GALNT13: variants seen among roughly 807,000 people sequenced by gnomAD.
GALNT13 encodes polypeptide N-acetylgalactosaminyltransferase 13.
In GALNT13, 28 loss-of-function variants were observed where a neutral mutation model predicts 64.2. That is an observed-to-expected ratio of 0.44 (90% CI 0.32 to 0.60). The LOEUF is 0.60. GALNT13 is among the 20% of genes least tolerant of loss of function. GALNT13 has a pLI of 0.05. For synonymous variants in GALNT13, 214 were observed against 224.6 expected (o/e 0.95, Z 0.42); for missense variants, 577 against 669.8 (o/e 0.86, Z 1.53).
At chr2:154,433,922 T>TA (rs1326242460) in intron 11 of GALNT13, among the ~76,000 whole-genome samples, 1 of 152,192 alleles carries the variant, frequency 6.6e-6, no homozygotes, top group Admixed American at 6.5e-5. Flanking sequence ...TGTAACCATA[T>TA]TAGAGATGAG....
At chr2:153,399,638 A>C in the GALNT13 span, among the ~76,000 whole-genome samples, 5 of 151,760 alleles carry the variant, frequency 3.3e-5, no homozygotes, top group African/African-American at 1.2e-4. Flanking sequence ...GAGGTCCTTC[A>C]CATCCCTTGT....
the GALNT13 span, among the ~76,000 whole-genome samples, chr2:153,803,628 CT>C: frequency 6.9e-6 from 1 of 143,908 alleles, no homozygotes; most frequent in Admixed American, 7.3e-5. Flanking sequence ...GGAGGCGGAG[CT>C]TGCAGTGAGC....
chr2:154,239,460 G>A (rs1276056678), intron 4 of GALNT13, among the ~76,000 whole-genome samples: 1 of 152,002 alleles, frequency 6.6e-6, no homozygotes, highest in African/African-American at 2.4e-5. Context: ...GGCTTTGCAT[G>A]CTCAAAGTGA....
At chr2:153,355,102 C>T in the GALNT13 span, among the ~76,000 whole-genome samples, 1 of 152,152 alleles carries the variant, frequency 6.6e-6, no homozygotes, top group African/African-American at 2.4e-5. Context: ...AACAAAATAT[C>T]ACGTTATTCA....
chr2:154,394,429 G>C (rs1698963654), intron 9 of GALNT13, among the ~76,000 whole-genome samples: 1 of 152,070 alleles, frequency 6.6e-6, no homozygotes, highest in Non-Finnish European at 1.5e-5. Flanking sequence ...TGATGAAAAA[G>C]GGAGGATGTT....
intron 4 of GALNT13, among the ~76,000 whole-genome samples, chr2:154,226,820 T>G (rs755445676): frequency 6.6e-6 from 1 of 152,164 alleles, no homozygotes; most frequent in Non-Finnish European, 1.5e-5. Flanking sequence ...ATTTCTTTAG[T>G]GTCAGAAATT....
chr2:153,578,423 A>G, the GALNT13 span, among the ~76,000 whole-genome samples: 1 of 152,214 alleles, frequency 6.6e-6, no homozygotes, highest in East Asian at 1.9e-4. Context: ...GGAGAAATTA[A>G]TTTACCCAGA....
At chr2:153,468,347 T>A in the GALNT13 span, among the ~76,000 whole-genome samples, 1 of 152,106 alleles carries the variant, frequency 6.6e-6, no homozygotes, top group Non-Finnish European at 1.5e-5. Flanking sequence ...TTGTTTGCGT[T>A]GTAGAATGGA....
the GALNT13 span, among the ~76,000 whole-genome samples, chr2:153,753,724 T>C: frequency 6.6e-6 from 1 of 152,326 alleles, no homozygotes; most frequent in Non-Finnish European, 1.5e-5. Context: ...CTACTGCCTA[T>C]GTTCACTCAA....
At chr2:153,743,108 G>A in the GALNT13 span, among the ~76,000 whole-genome samples, 1 of 135,250 alleles carries the variant, frequency 7.4e-6, no homozygotes, top group Non-Finnish European at 1.6e-5. Flanking sequence ...GAGGGGGAGG[G>A]GTAGTGTGGT....
At chr2:154,260,004 T>C (rs960406779) in intron 8 of GALNT13, among the ~76,000 whole-genome samples, 1 of 152,034 alleles carries the variant, frequency 6.6e-6, no homozygotes, top group African/African-American at 2.4e-5. Context: ...CACCTCAGCC[T>C]CCCTTGTGGC....
the GALNT13 span, among the ~76,000 whole-genome samples, chr2:153,563,223 T>C: frequency 1.3e-5 from 2 of 152,246 alleles, no homozygotes; most frequent in Admixed American, 6.5e-5. Flanking sequence ...TTAAAAAAAT[T>C]CTGTCCTTAG....
At chr2:153,138,031 G>C in the GALNT13 span, among the ~76,000 whole-genome samples, 2 of 152,054 alleles carry the variant, frequency 1.3e-5, no homozygotes, top group Non-Finnish European at 2.9e-5. Context: ...GTATGTGCCA[G>C]ACTCTGTTTT....
chr2:154,133,218 A>G (rs569965799), intron 3 of GALNT13, among the ~76,000 whole-genome samples: 3 of 152,234 alleles, frequency 2.0e-5, no homozygotes, highest in Admixed American at 2.0e-4. Context: ...GTTTGTGTTG[A>G]GGTATTGTTG....
At chr2:153,445,098 A>C in the GALNT13 span, among the ~76,000 whole-genome samples, 1 of 152,210 alleles carries the variant, frequency 6.6e-6, no homozygotes, top group Non-Finnish European at 1.5e-5. Flanking sequence ...GTAACACATA[A>C]GTACTGATTT....
At chr2:154,216,792 TTC>T (rs1210625679) in intron 4 of GALNT13, among the ~76,000 whole-genome samples, 2 of 149,078 alleles carry the variant, frequency 1.3e-5, no homozygotes, top group African/African-American at 2.5e-5. Context: ...TTACTTTCAT[TTC>T]TCTCTCTCTT....
chr2:153,820,692 C>T, the GALNT13 span, among the ~76,000 whole-genome samples: 1 of 152,074 alleles, frequency 6.6e-6, no homozygotes, highest in Non-Finnish European at 1.5e-5. Context: ...ACTACACCAG[C>T]CTTACAAGAA....
At chr2:153,101,265 T>C in the GALNT13 span, among the ~76,000 whole-genome samples, 1 of 152,184 alleles carries the variant, frequency 6.6e-6, no homozygotes, top group African/African-American at 2.4e-5. Flanking sequence ...AATTTTGTGC[T>C]TAAAAATTCT....
At chr2:154,083,833 G>T (rs1404939507) in intron 3 of GALNT13, among the ~76,000 whole-genome samples, 2 of 151,866 alleles carry the variant, frequency 1.3e-5, no homozygotes, top group Non-Finnish European at 2.9e-5. Context: ...TTTAAAGAAA[G>T]TAATGGTTTG....
Sources: gnomAD v4.1 joint callset for allele counts (sites outside exome capture counted in the v4.1 genomes callset) on GRCh38, gnomAD v4.1.1 for gene constraint, MANE v1.5 for transcripts, NCBI Gene and HGNC (gene_info 2026-07-23, HGNC 2026-07-21) for gene names.